The following PHRF1 variants were observed in gnomAD, a reference collection of about 807,000 sequenced individuals.
PHRF1 encodes PHD and ring finger domains 1.
Under a neutral mutation model 128.9 loss-of-function variants are expected in PHRF1, and 53 were observed. The ratio of observed to expected loss-of-function variants is 0.41; its 90% confidence interval spans 0.33 to 0.52. The LOEUF is 0.52. Ranked by LOEUF, PHRF1 falls within the 20% of genes least tolerant of loss-of-function variation. PHRF1 has a pLI of 0.21. For synonymous variants in PHRF1, 1,178 were observed against 980.6 expected (o/e 1.20, Z -3.76); for missense variants, 2,503 against 2,284.5 (o/e 1.10, Z -1.95).
In PHRF1 at chr11:607,993, G is replaced by C. The variant is rs1856061012; in HGVS notation, c.2537G>C (p.Ser846Thr). 6.2e-7 allele frequency: 1 copy of C among 1,611,330 alleles called. No homozygotes were observed. Among genetic ancestry groups the C allele is most frequent in the Admixed American group, 1.7e-5 (1 of 60,022 alleles). ...TGSDSSAPGS[S>T]PERSGPGLLP... ...TCCGACTCCAGCGCCCCTGGCAGCA[G>C]CCCCGAGAGGTCTGGCCCCGGCCTC... is the stretch of plus-strand genomic sequence containing the variant. Residue 846 changes from serine (S) to threonine (T), a missense_variant, in exon 14 of 18, where the codon AGC becomes ACC. Physicochemically the swap from Ser to Thr is moderately conservative, Grantham distance 58. Transcript: ENST00000264555.
At chr11:584,787 G>C (rs1003936140) in intron 3 of PHRF1, among the ~76,000 whole-genome samples, 2 of 147,566 alleles carry the variant, frequency 1.4e-5, no homozygotes, top group Admixed American at 1.4e-4. Flanking sequence ...GCCCAGGCTG[G>C]AGTGTAGTGG....
rs1374025047 is a variant in PHRF1 at position 609,759 on chromosome 11, CAGTG to C, written c.4264+43_4264+46del. The C allele has an allele frequency of 1.7e-5, 23 of 1,350,032 alleles. No homozygotes were observed. In the East Asian group the frequency reaches 5.3e-4, roughly 31 times the overall value. 83.6% of individuals were successfully genotyped at this position (1,350,032 alleles called of 1,614,324 possible). ...CGGCCCCCACCGAGGACAGAGCCCC[CAGTG>C]AGTAAGGCCCTGGCCCCCGCCGAGG... On this transcript the variant is annotated intron_variant, in intron 14 of 17. Coordinates refer to ENST00000264555, the MANE Select transcript of PHRF1 (RefSeq NM_001286581.2).
chr11:610,676 C>T lies in PHRF1; in HGVS notation c.4592C>T (p.Pro1531Leu). The T allele has an allele frequency of 1.9e-6, 3 of 1,603,614 alleles. No homozygotes were observed. The highest frequency in any genetic ancestry group is 2.5e-6 in the Non-Finnish European group (3 of 1,179,814). Residue 1531 changes from proline to leucine, a missense_variant, in exon 16 of 18, where the codon CCA (proline) becomes CTA (leucine). Physicochemically the swap from Pro to Leu is moderately conservative, Grantham distance 98. Transcript: ENST00000264555. Reference sequence around the variant, plus strand: ...GCTGCCCTGACCCCAGCCTCAGAGCCAGCCAGTCAAGCCACTGCAGCCAGC... The same window carrying T: ...GCTGCCCTGACCCCAGCCTCAGAGCTAGCCAGTCAAGCCACTGCAGCCAGC... ...VPAALTPASE[P>L]ASQATAASNS...
chr11:580,247 A>C (rs1306195877), intron 1 of PHRF1, among the ~76,000 whole-genome samples: 1 of 152,186 alleles, frequency 6.6e-6, no homozygotes, highest in Non-Finnish European at 1.5e-5. Context: ...GAAATGAACC[A>C]CGTGCACGTA....
intron 3 of PHRF1, among the ~76,000 whole-genome samples, chr11:582,639 C>T (rs1854274995): frequency 6.6e-6 from 1 of 152,034 alleles, no homozygotes. Context: ...ATTCTCCTGC[C>T]TCAGCCTCCC....
chr11:603,606 A>AT (rs1223485351), intron 10 of PHRF1, among the ~76,000 whole-genome samples: 1 of 152,014 alleles, frequency 6.6e-6, no homozygotes, highest in Non-Finnish European at 1.5e-5. Context: ...AAGTGCTGGG[A>AT]TTACAGGTGT....
At chr11:586,684 G>T (rs898473322) in intron 3 of PHRF1, among the ~76,000 whole-genome samples, 1 of 152,330 alleles carries the variant, frequency 6.6e-6, no homozygotes, top group Non-Finnish European at 1.5e-5. Flanking sequence ...GCTGGTCAAG[G>T]TGTAGCCTCA....
At chr11:580,738 G>A (rs1192496289) in intron 1 of PHRF1, among the ~76,000 whole-genome samples, 5 of 152,202 alleles carry the variant, frequency 3.3e-5, no homozygotes, top group African/African-American at 1.2e-4. Flanking sequence ...GCGCAGGCTG[G>A]AGTGCAGTGG....
In PHRF1 at chr11:603,087, C is replaced by T. The variant is rs192343886; in HGVS notation, c.1152+1386C>T. On this transcript the variant is annotated intron_variant, in intron 10 of 17. Coordinates refer to ENST00000264555, the MANE Select transcript of PHRF1 (RefSeq NM_001286581.2). ...TGTTTTGTTTTTTGAGATGGTATCA[C>T]TCTGTGGCCCAGGCTGAAGTGCAAT... Among the ~76,000 whole-genome samples the T allele has an allele frequency of 5.9e-5, 9 of 152,068 alleles. No homozygotes were observed. The East Asian group carries it at 1.6e-3, about 26-fold the overall frequency.
At chr11:590,933 C>T (rs944894509) in intron 4 of PHRF1, among the ~76,000 whole-genome samples, 3 of 152,132 alleles carry the variant, frequency 2.0e-5, no homozygotes, top group African/African-American at 4.8e-5. Context: ...GAACTCCCGA[C>T]CTCAGGTAAT....
rs577737445 is a variant in PHRF1, at chr11:608,889, C to T, written c.3433C>T (p.Arg1145Trp). ...HKHQRERSHE[R>W]PDRKESVAWP... ...GCATCAGCGGGAACGCAGCCACGAGCGGCCAGACAGGAAGGAGAGTGTGGC... is the reference window on the plus strand; with the variant it reads ...GCATCAGCGGGAACGCAGCCACGAGTGGCCAGACAGGAAGGAGAGTGTGGC... The change falls in exon 14 of 18, where the codon CGG becomes TGG. Residue 1145 changes from arginine (R) to tryptophan (W), a missense_variant. Transcript: ENST00000264555. The T allele has an allele frequency of 1.6e-5, 26 of 1,612,172 alleles. No homozygotes were observed. Among genetic ancestry groups the T allele is most frequent in the Middle Eastern group, 1.7e-4 (1 of 6,060 alleles).
Position 610,603 on chromosome 11 carries a change from C to T in PHRF1, c.4519C>T (p.Leu1507=), listed in dbSNP as rs1453264699. ...PTVQFILQGS[L]PLVGCGAAQT... ...GGTCCAGTTCATCCTTCAGGGGAGC[C>T]TGCCGCTAGTGGGCTGTGGGGCAGC... is the stretch of plus-strand genomic sequence containing the variant. Residue 1507 remains leucine, a synonymous_variant, in exon 16 of 18, where the codon CTG becomes TTG. Coordinates refer to ENST00000264555, the MANE Select transcript of PHRF1 (RefSeq NM_001286581.2). 16 of 1,606,498 alleles carry T rather than the reference C, an allele frequency of 1.0e-5. No homozygotes were observed. The highest frequency in any genetic ancestry group is 1.4e-5 in the Non-Finnish European group (16 of 1,179,790).
In PHRF1 at chr11:609,605, G is replaced by A. The variant is rs756648370; in HGVS notation, c.4149G>A (p.Arg1383=). 1.5e-5 allele frequency: 24 copies of A among 1,590,594 alleles called. No homozygotes were observed. Among genetic ancestry groups the A allele is most frequent in the Non-Finnish European group, 2.0e-5 (23 of 1,170,280 alleles). Reference sequence around the variant, plus strand: ...GTGGGAGGGTACAGGAGGCAGCCCGGCCTGAGGAGGTGGTTTCGCAGACCC... The same window carrying A: ...GTGGGAGGGTACAGGAGGCAGCCCGACCTGAGGAGGTGGTTTCGCAGACCC... ...SASGRVQEAA[R]PEEVVSQTPL... The change falls in exon 14 of 18, where the codon CGG becomes CGA. Residue 1383 remains arginine (R), a synonymous_variant. Coordinates refer to ENST00000264555, the MANE Select transcript of PHRF1 (RefSeq NM_001286581.2).
At position 610,359 on chromosome 11, in the gene PHRF1, G is replaced by C; in HGVS notation, c.4416+12G>C. The C allele has an allele frequency of 6.4e-7, 1 of 1,551,780 alleles. No individual in the cohort carries two copies. Among genetic ancestry groups the C allele is most frequent in the Admixed American group, 1.9e-5 (1 of 52,560 alleles). On this transcript the variant is annotated intron_variant, in intron 15 of 17. Coordinates refer to ENST00000264555, the MANE Select transcript of PHRF1 (RefSeq NM_001286581.2). ...CAGACCCCTCTCAGGTGGGTGTCTG[G>C]GCTGGAGGGCTGTGGGCCGTGGGCA...
In PHRF1 at chr11:607,477, C is replaced by G; in HGVS notation, c.2021C>G (p.Thr674Arg). The change falls in exon 14 of 18, where the codon ACA becomes AGA. Residue 674 changes from threonine to arginine, a missense_variant. Physicochemically the swap from Thr to Arg is moderately conservative, Grantham distance 71. Coordinates refer to ENST00000264555, the MANE Select transcript of PHRF1 (RefSeq NM_001286581.2). ...GPPLKPAPRRTDISELPRIPK... is the reference protein window; with the variant it reads ...GPPLKPAPRRRDISELPRIPK... The stretch of plus-strand genomic sequence containing the variant: ...CCCCTGAAGCCAGCGCCCAGAAGAA[C>G]AGACATCTCTGAGCTACCCAGGATA... 6.2e-7 allele frequency: 1 copy of G among 1,612,868 alleles called. No individual in the cohort carries two copies. The highest frequency in any genetic ancestry group is 1.7e-5 in the Admixed American group (1 of 60,028).
Position 611,769 on chromosome 11 carries a change from G to A in PHRF1, c.4942G>A (p.Glu1648Lys), listed in dbSNP as rs755440955. The A allele has an allele frequency of 1.6e-5, 25 of 1,602,888 alleles. No homozygotes were observed. The highest frequency in any genetic ancestry group is 1.7e-4 in the Middle Eastern group (1 of 6,054). The change falls in exon 18 of 18, where the codon GAG (glutamate) becomes AAG (lysine). Residue 1648 changes from glutamate to lysine, a missense_variant. Transcript: ENST00000264555. ...AGEEPPTQGAEG is the reference protein window; with the variant it reads ...AGEEPPTQGAKG ...GGAGGAGCCGCCCACGCAGGGGGCC[G>A]AGGGCTGAGGCCAGGCAATCACGGG...
chr11:585,892 T>C (rs1589863946), intron 3 of PHRF1, among the ~76,000 whole-genome samples: 1 of 149,112 alleles, frequency 6.7e-6, no homozygotes, highest in African/African-American at 2.5e-5. Context: ...GACGGAGTCT[T>C]GCTCTGTTGC....
Position 607,197 on chromosome 11 carries a change from A to T in PHRF1, c.1741A>T (p.Thr581Ser). Residue 581 changes from threonine to serine, a missense_variant, in exon 14 of 18, where the codon ACA becomes TCA. Coordinates refer to ENST00000264555, the MANE Select transcript of PHRF1 (RefSeq NM_001286581.2). ...QGPSGNRPQS[T>S]GLSCQGRSRT... ...CCCGTCAGGAAACAGGCCACAGAGC[A>T]CAGGGCTCAGCTGTCAAGGCAGGTC... 3 of 1,612,486 alleles carry T rather than the reference A, an allele frequency of 1.9e-6. No homozygotes were observed. The highest frequency in any genetic ancestry group is 8.5e-7 in the Non-Finnish European group (1 of 1,179,770).
Position 607,341 on chromosome 11 carries a change from A to G in PHRF1, c.1885A>G (p.Ser629Gly). Reference sequence around the variant, plus strand: ...TGTGCCTGGCTTCAGACAGAGCCACAGCCCCTGGTTCAACGGCACCAACAA... The same window carrying G: ...TGTGCCTGGCTTCAGACAGAGCCACGGCCCCTGGTTCAACGGCACCAACAA... ...GSVPGFRQSH[S>G]PWFNGTNKHT... is the part of the protein sequence containing the mutation. The change falls in exon 14 of 18, where the codon AGC (serine) becomes GGC (glycine). Residue 629 changes from serine (S) to glycine (G), a missense_variant. Ser to Gly is a moderately conservative substitution (Grantham distance 56, BLOSUM62 0). Coordinates refer to ENST00000264555, the MANE Select transcript of PHRF1 (RefSeq NM_001286581.2). 1 of 1,612,736 alleles carries G rather than the reference A, an allele frequency of 6.2e-7. No homozygotes were observed. Among genetic ancestry groups the G allele is most frequent in the Non-Finnish European group, 8.5e-7 (1 of 1,179,884 alleles).
Sources: allele counts gnomAD v4.1 joint callset (sites outside exome capture counted in the v4.1 genomes callset), GRCh38; gene constraint gnomAD v4.1.1; transcripts MANE v1.5; gene names NCBI Gene and HGNC (gene_info 2026-07-23, HGNC 2026-07-21).